The following SLCO6A1 variants were observed in gnomAD, a reference collection of about 807,000 sequenced individuals.
The protein encoded by SLCO6A1 is cancer/testis antigen 48.
A neutral mutation model predicts 72.7 loss-of-function variants in SLCO6A1; 65 were observed. The ratio of observed to expected loss-of-function variants is 0.89; its 90% CI spans 0.73 to 1.10. SLCO6A1 has a LOEUF of 1.10. Ranked by LOEUF, SLCO6A1 falls within the 50% of genes least tolerant of loss-of-function variation. SLCO6A1 has a pLI of 0.00. For synonymous variants in SLCO6A1, 314 were observed against 298.2 expected (o/e 1.05, Z -0.55); for missense variants, 874 against 872.6 (o/e 1.00, Z -0.02).
chr5:102,417,498 A>C (rs1218038183), intron 8 of SLCO6A1, among the ~76,000 whole-genome samples: 1 of 151,010 alleles, frequency 6.6e-6, no homozygotes, highest in African/African-American at 2.4e-5. Context: ...ATGTGTTGTG[A>C]CTCTGTTATT....
In SLCO6A1 at chr5:102,480,374, T is replaced by G; in HGVS notation, c.419A>C (p.Lys140Thr). 3 of 1,613,538 alleles carry G rather than the reference T, an allele frequency of 1.9e-6. No individual in the cohort carries two copies. Among genetic ancestry groups the G allele is most frequent in the Non-Finnish European group, 2.5e-6 (3 of 1,179,690 alleles). ...IGDFQKEYQL[K>T]TIEKLALEKS... is the part of the protein sequence containing the mutation. The stretch of plus-strand genomic sequence containing the variant: ...TTCCAATGCCAACTTCTCAATGGTT[T>G]TCAGTTGATATTCCTTCTGAAAATC... The change falls in exon 2 of 14, where the codon AAA becomes ACA. Residue 140 changes from lysine (K) to threonine (T), a missense_variant. Coordinates refer to ENST00000506729, the MANE Select transcript of SLCO6A1 (RefSeq NM_173488.5).
intron 1 of SLCO6A1, among the ~76,000 whole-genome samples, chr5:102,481,219 T>G (rs931324006): frequency 7.2e-5 from 8 of 110,780 alleles, no homozygotes; most frequent in Admixed American, 3.6e-4. Flanking sequence ...CTGTTAGAAC[T>G]GCAATCACTA....
chr5:102,463,461 T>C (rs1006755041), intron 4 of SLCO6A1, among the ~76,000 whole-genome samples: 2 of 152,172 alleles, frequency 1.3e-5, no homozygotes, highest in Non-Finnish European at 2.9e-5. Context: ...AAAAGACACT[T>C]GCACATACAT....
rs1580349973 is a variant in SLCO6A1, at chr5:102,396,274, C to T, written c.1814+3281G>A. Among the ~76,000 whole-genome samples, 17 of 152,144 alleles carry T rather than the reference C, an allele frequency of 1.1e-4. No individual in the cohort carries two copies. The South Asian group carries it at 3.3e-3, about 30-fold the overall frequency. ...TTTCTACATATGGCTAGCCAGTTTT[C>T]CCAGCACCATTTATTAAATAGGGAA... On this transcript the variant is annotated intron_variant, in intron 10 of 13. Coordinates refer to ENST00000506729, the MANE Select transcript of SLCO6A1 (RefSeq NM_173488.5).
In SLCO6A1 at chr5:102,419,911, C is replaced by A. The variant is rs1401518956; in HGVS notation, c.1387G>T (p.Val463Leu). The change falls in exon 8 of 14, where the codon GTG becomes TTG. Residue 463 changes from valine to leucine, a missense_variant. Physicochemically the swap from Val to Leu is conservative, Grantham distance 32 (BLOSUM62 1). Transcript: ENST00000506729. ...ALMRFIMVTS[V>L]ISLILLVFII... ...AACACAAGCAGTATAAGTGATATCACAGATGTAACCATTATAAATCTCATA... is the reference window on the plus strand; with the variant it reads ...AACACAAGCAGTATAAGTGATATCAAAGATGTAACCATTATAAATCTCATA... 6.2e-7 allele frequency: 1 copy of A among 1,608,172 alleles called. No homozygotes were observed. The highest frequency in any genetic ancestry group is 1.3e-5 in the African/African-American group (1 of 74,642).
intron 12 of SLCO6A1, among the ~76,000 whole-genome samples, chr5:102,386,382 T>G (rs915989422): frequency 1.3e-5 from 2 of 151,970 alleles, no homozygotes; most frequent in Non-Finnish European, 2.9e-5. Flanking sequence ...ACTTTTGGGG[T>G]GGGCCTTGTT....
chr5:102,475,842 C>T, intron 3 of SLCO6A1, 49 bp from the exon 4 acceptor site: 1 of 1,401,212 alleles, frequency 7.1e-7, no homozygotes, highest in Non-Finnish European at 9.9e-7. Flanking sequence ...CATAAGCCAG[C>T]TTCGTTATGA....
At chr5:102,439,479 A>T (rs1449172091) in intron 6 of SLCO6A1, among the ~76,000 whole-genome samples, 2 of 152,084 alleles carry the variant, frequency 1.3e-5, no homozygotes, top group Non-Finnish European at 2.9e-5. Context: ...ATTTATTTAA[A>T]TTTTCTTTTT....
intron 1 of SLCO6A1, among the ~76,000 whole-genome samples, chr5:102,497,617 A>C (rs935775996): frequency 1.4e-4 from 22 of 152,224 alleles, no homozygotes; most frequent in Non-Finnish European, 4.4e-5. Context: ...ATTATAAATG[A>C]GGAAATTATG....
intron 1 of SLCO6A1, among the ~76,000 whole-genome samples, chr5:102,496,172 C>T (rs974119753): frequency 1.2e-4 from 18 of 152,110 alleles, no homozygotes; most frequent in African/African-American, 4.3e-4. Context: ...AGTAGTGGTG[C>T]ACCATGTCTG....
At chr5:102,471,118 T>C (rs1418308351) in intron 4 of SLCO6A1, among the ~76,000 whole-genome samples, 1 of 151,996 alleles carries the variant, frequency 6.6e-6, no homozygotes, top group African/African-American at 2.4e-5. Flanking sequence ...AATGAAGACC[T>C]AGGTTGGTTT....
chr5:102,476,245 TC>T (rs1751894797), intron 3 of SLCO6A1, among the ~76,000 whole-genome samples: 1 of 151,934 alleles, frequency 6.6e-6, no homozygotes, highest in Non-Finnish European at 1.5e-5. Context: ...AAAATGACCT[TC>T]AAAAAACAAA....
At chr5:102,406,831 G>A (rs943747079) in intron 9 of SLCO6A1, among the ~76,000 whole-genome samples, 6 of 152,044 alleles carry the variant, frequency 3.9e-5, no homozygotes, top group South Asian at 4.1e-4. Flanking sequence ...CAGACACTGC[G>A]GAATAGAGGC....
At chr5:102,455,158 A>G (rs2112740806) in intron 6 of SLCO6A1, among the ~76,000 whole-genome samples, 1 of 151,872 alleles carries the variant, frequency 6.6e-6, no homozygotes, top group East Asian at 1.9e-4. Context: ...TTTTAAATAG[A>G]TAGATTAGCA....
intron 8 of SLCO6A1, among the ~76,000 whole-genome samples, chr5:102,415,970 GATC>G (rs1213587317): frequency 6.6e-6 from 1 of 152,072 alleles, no homozygotes. Context: ...CAACATCATT[GATC>G]ATCAAACAAA....
At chr5:102,449,227 G>A (rs1296025217) in intron 6 of SLCO6A1, among the ~76,000 whole-genome samples, 1 of 152,064 alleles carries the variant, frequency 6.6e-6, no homozygotes, top group African/African-American at 2.4e-5. Context: ...CTGCTGACAG[G>A]TCTACCGTTA....
intron 7 of SLCO6A1, among the ~76,000 whole-genome samples, chr5:102,434,891 C>G (rs1221547329): frequency 6.6e-6 from 1 of 152,064 alleles, no homozygotes; most frequent in Non-Finnish European, 1.5e-5. Context: ...TGCAATTACC[C>G]TGAGTGTAAA....
intron 4 of SLCO6A1, among the ~76,000 whole-genome samples, chr5:102,464,768 G>A (rs922030731): frequency 6.6e-6 from 1 of 152,146 alleles, no homozygotes; most frequent in Non-Finnish European, 1.5e-5. Flanking sequence ...TAAATATCCA[G>A]ATTTAAGTTT....
chr5:102,486,052 A>G (rs992366475), intron 1 of SLCO6A1, among the ~76,000 whole-genome samples: 1 of 152,184 alleles, frequency 6.6e-6, no homozygotes, highest in Non-Finnish European at 1.5e-5. Context: ...TTTGAAAAAT[A>G]TTTTACAAGA....
Sources: gnomAD v4.1 joint callset for allele counts (sites outside exome capture counted in the v4.1 genomes callset) on GRCh38, gnomAD v4.1.1 for gene constraint, MANE v1.5 for transcripts, NCBI Gene and HGNC (gene_info 2026-07-23, HGNC 2026-07-21) for gene names.